MYO16: variants seen among roughly 807,000 people sequenced by gnomAD.
MYO16 encodes unconventional myosin-XVI.
In MYO16, 94 loss-of-function variants were observed where a neutral mutation model predicts 205.3. The observed-to-expected ratio is 0.46, with a 90% CI of 0.39 to 0.54. The LOEUF (loss-of-function observed/expected upper bound fraction) is 0.54. Ranked by LOEUF, MYO16 falls within the 20% of genes least tolerant of loss-of-function variation. The pLI, the probability that MYO16 is intolerant of heterozygous loss-of-function variation, is 0.00. For missense variants in MYO16, 2,315 were observed against 2,387.5 expected (o/e 0.97, Z 0.63); for synonymous variants, 988 against 954.0 (o/e 1.04, Z -0.66).
rs2139125462 is a variant in MYO16 at position 108,866,261 on chromosome 13, A to G, written c.1425+19A>G. 1 of 1,486,846 alleles carries G rather than the reference A, an allele frequency of 6.7e-7. No individual in the cohort carries two copies. The highest frequency in any genetic ancestry group is 1.2e-5 in the South Asian group (1 of 85,562). 92.1% of individuals were successfully genotyped at this position (1,486,846 alleles called of 1,614,324 possible). ...TTCCATGGTGAGCACAAAATTTTAA[A>G]TATCATTGAATAATGTAGAGTAATA... is the stretch of plus-strand genomic sequence containing the variant. On this transcript the variant is annotated intron_variant, in intron 12 of 34. Coordinates refer to ENST00000457511, the MANE Select transcript of MYO16 (RefSeq NM_001198950.3).
intron 21 of MYO16, among the ~76,000 whole-genome samples, chr13:109,007,447 G>C (rs928903972): frequency 6.6e-6 from 1 of 151,740 alleles, no homozygotes; most frequent in African/African-American, 2.4e-5. Context: ...ACAAAAGCAA[G>C]TTTGATGGCG....
intron 7 of MYO16, among the ~76,000 whole-genome samples, chr13:108,817,425 T>G (rs1426155439): frequency 6.6e-6 from 1 of 152,210 alleles, no homozygotes; most frequent in African/African-American, 2.4e-5. Context: ...TACATTTCTG[T>G]GTTTTATTTA....
intron 15 of MYO16, among the ~76,000 whole-genome samples, chr13:108,898,351 A>AGAGTGTGTGT (rs1555310476): frequency 2.1e-5 from 3 of 144,992 alleles, no homozygotes; most frequent in African/African-American, 2.6e-5. Context: ...AGGGTGTGTG[A>AGAGTGTGTGT]GTGTGTGTGT....
At chr13:108,640,637 A>C (rs1343858351) in intron 1 of MYO16, among the ~76,000 whole-genome samples, 1 of 151,984 alleles carries the variant, frequency 6.6e-6, no homozygotes, top group Non-Finnish European at 1.5e-5. Flanking sequence ...TTTCACATTC[A>C]CCCTCTGCCG....
chr13:108,569,782 TG>T, the MYO16 span, among the ~76,000 whole-genome samples: 1 of 152,208 alleles, frequency 6.6e-6, no homozygotes, highest in Admixed American at 6.5e-5. Flanking sequence ...CTCTGGGTTT[TG>T]TGTAGATGTC....
intron 16 of MYO16, among the ~76,000 whole-genome samples, chr13:108,948,870 A>G (rs903240304): frequency 3.9e-5 from 6 of 152,228 alleles, no homozygotes; most frequent in Admixed American, 3.3e-4. Flanking sequence ...AAGTATTAGC[A>G]CACACACCCA....
the MYO16 span, among the ~76,000 whole-genome samples, chr13:108,519,643 ACACACC>A: frequency 1.9e-4 from 28 of 149,008 alleles, no homozygotes; most frequent in East Asian, 4.1e-4. Context: ...ACACACACAC[ACACACC>A]CACACACACA....
At chr13:109,152,014 G>T (rs990798310) in intron 32 of MYO16, among the ~76,000 whole-genome samples, 1 of 152,172 alleles carries the variant, frequency 6.6e-6, no homozygotes, top group African/African-American at 2.4e-5. Flanking sequence ...AAAGTAGGTG[G>T]CCTCCATCGT....
the MYO16 span, among the ~76,000 whole-genome samples, chr13:108,565,680 G>A: frequency 0.014 from 2,077 of 152,032 alleles, 24 homozygotes; most frequent in Non-Finnish European, 0.023. Context: ...ATCTTTTCTC[G>A]TGTCTGATTG....
chr13:108,596,618 C>T (rs886900394), intron 1 of MYO16, among the ~76,000 whole-genome samples: 4 of 152,114 alleles, frequency 2.6e-5, no homozygotes, highest in Non-Finnish European at 5.9e-5. Context: ...GATTGAAGCT[C>T]ATAATAGAAA....
At chr13:108,636,330 A>G (rs936269569) in intron 1 of MYO16, among the ~76,000 whole-genome samples, 4 of 143,354 alleles carry the variant, frequency 2.8e-5, no homozygotes, top group Non-Finnish European at 6.0e-5. Flanking sequence ...CTAGTCTTAA[A>G]TGAAAAAATA....
chr13:108,806,191 T>C (rs916532807), intron 6 of MYO16, among the ~76,000 whole-genome samples: 4 of 152,162 alleles, frequency 2.6e-5, no homozygotes, highest in Non-Finnish European at 5.9e-5. Flanking sequence ...CCGCCGGGAT[T>C]AGTTAATCCT....
intron 4 of MYO16, among the ~76,000 whole-genome samples, chr13:108,775,895 A>G (rs1886109180): frequency 6.6e-6 from 1 of 152,196 alleles, no homozygotes; most frequent in South Asian, 2.1e-4. Flanking sequence ...GGCTCTTTGG[A>G]GTATTCGAAG....
chr13:108,610,958 A>C (rs1432324785), intron 1 of MYO16, among the ~76,000 whole-genome samples: 2 of 152,224 alleles, frequency 1.3e-5, no homozygotes, highest in African/African-American at 4.8e-5. Flanking sequence ...GACTCATAGT[A>C]ATAAAAGAGA....
At chr13:108,700,424 TC>T (rs1883261528) in intron 2 of MYO16, among the ~76,000 whole-genome samples, 1 of 151,636 alleles carries the variant, frequency 6.6e-6, no homozygotes, top group African/African-American at 2.4e-5. Flanking sequence ...TGTTTTGTGG[TC>T]CTTTGACGAT....
At chr13:108,677,998 T>G (rs1262517841) in intron 2 of MYO16, among the ~76,000 whole-genome samples, 1 of 152,228 alleles carries the variant, frequency 6.6e-6, no homozygotes, top group African/African-American at 2.4e-5. Context: ...CAGCCCAGAC[T>G]GCTGCTTAGT....
At chr13:108,732,063 T>G (rs907885033) in intron 4 of MYO16, among the ~76,000 whole-genome samples, 1 of 152,246 alleles carries the variant, frequency 6.6e-6, no homozygotes, top group African/African-American at 2.4e-5. Flanking sequence ...ATAAAAATTC[T>G]AATTATTGTA....
chr13:108,650,784 G>A (rs1030583637), intron 1 of MYO16, among the ~76,000 whole-genome samples: 5 of 152,100 alleles, frequency 3.3e-5, no homozygotes, highest in Non-Finnish European at 7.4e-5. Flanking sequence ...GTGGAGGCAT[G>A]GTGTTTAGAA....
chr13:108,531,298 T>C, the MYO16 span, among the ~76,000 whole-genome samples: 2 of 152,160 alleles, frequency 1.3e-5, no homozygotes, highest in Admixed American at 1.3e-4. Context: ...ATAAGAGCAA[T>C]GTAAAGACCA....
Sources: allele counts gnomAD v4.1 joint callset (sites outside exome capture counted in the v4.1 genomes callset), GRCh38; gene constraint gnomAD v4.1.1; transcripts MANE v1.5; gene names NCBI Gene and HGNC (gene_info 2026-07-23, HGNC 2026-07-21).